The following CLTCL1 variants were observed in gnomAD, a reference collection of about 807,000 sequenced individuals.
CLTCL1 encodes the protein clathrin heavy chain 2.
CLTCL1 carries 159 observed loss-of-function variants against 190.0 expected under a neutral mutation model. The observed-to-expected ratio is 0.84, with a 90% CI of 0.74 to 0.95. The LOEUF (loss-of-function observed/expected upper bound fraction) is 0.95, where lower values mean the gene tolerates loss of function less well. CLTCL1 is among the 40% of genes least tolerant of loss of function. The probability of loss-of-function intolerance (pLI) is 0.00; values close to 1 mark genes in which losing one functional copy is unlikely to be tolerated. For missense variants in CLTCL1, 1,878 were observed against 2,033.4 expected (o/e 0.92, Z 1.47); for synonymous variants, 752 against 769.6 (o/e 0.98, Z 0.38).
intron 22 of CLTCL1, among the ~76,000 whole-genome samples, chr22:19,204,110 A>G (rs1161956694): frequency 6.6e-6 from 1 of 152,166 alleles, no homozygotes; most frequent in Non-Finnish European, 1.5e-5. Flanking sequence ...TTTGTAGCAT[A>G]GCAGCCAGAG....
intron 3 of CLTCL1, among the ~76,000 whole-genome samples, chr22:19,246,506 C>T (rs991693794): frequency 3.3e-5 from 5 of 151,190 alleles, no homozygotes; most frequent in Admixed American, 1.3e-4. Context: ...GATGGAGTTT[C>T]GCTCTTGTTG....
Position 19,233,564 on chromosome 22 carries a change from C to G in CLTCL1, c.1226G>C (p.Gly409Ala). 6.2e-7 allele frequency: 1 copy of G among 1,613,800 alleles called. No homozygotes were observed. The highest frequency in any genetic ancestry group is 8.5e-7 in the Non-Finnish European group (1 of 1,179,894). ...GTACTGCAGCAATGGAGAAGCCTGGCCAGACTGAGCGGGTATACTCTGGAA... is the reference window on the plus strand; with the variant it reads ...GTACTGCAGCAATGGAGAAGCCTGGGCAGACTGAGCGGGTATACTCTGGAA... ...QKFQSIPAQS[G>A]QASPLLQYFG... The change falls in exon 8 of 33, where the codon GGC becomes GCC. Residue 409 changes from glycine (G) to alanine (A), a missense_variant. By Grantham distance (60) the Gly-to-Ala change is moderately conservative. Coordinates refer to ENST00000427926, the MANE Select transcript of CLTCL1 (RefSeq NM_007098.4).
intron 14 of CLTCL1, 90 bp from the exon 15 acceptor site, chr22:19,222,899 C>A: frequency 6.8e-7 from 1 of 1,479,556 alleles, no homozygotes; most frequent in Non-Finnish European, 9.1e-7. Context: ...ACGGCTCTGT[C>A]TCTGCAGCAG....
At chr22:19,276,681 ATT>A (rs1375750879) in intron 1 of CLTCL1, among the ~76,000 whole-genome samples, 2 of 151,932 alleles carry the variant, frequency 1.3e-5, no homozygotes, top group Admixed American at 1.3e-4. Context: ...TTATTTATTT[ATT>A]TTTTGAGCCG....
intron 12 of CLTCL1, 40 bp downstream of exon 12, chr22:19,226,179 G>A: frequency 6.3e-7 from 1 of 1,598,062 alleles, no homozygotes; most frequent in Non-Finnish European, 8.5e-7. Flanking sequence ...TAATTGCATA[G>A]ACAACAGCCA....
At chr22:19,234,745 A>G in intron 6 of CLTCL1, 39 bp from the exon 7 acceptor site, 2 of 1,543,434 alleles carry the variant, frequency 1.3e-6, no homozygotes, top group Non-Finnish European at 1.8e-6. Context: ...CCGGCCTAGA[A>G]GAGTGCTCCA....
At chr22:19,192,408 C>T (rs1022078566) in intron 26 of CLTCL1, among the ~76,000 whole-genome samples, 1 of 152,146 alleles carries the variant, frequency 6.6e-6, no homozygotes, top group Non-Finnish European at 1.5e-5. Context: ...GCATCGATGT[C>T]CAGGGCCTGG....
Position 19,229,929 on chromosome 22 carries a change from G to A in CLTCL1, c.1691C>T (p.Ser564Phe). ...MENSLIQQCT[S>F]FLLDALKNNR... ...ATTCTTCAAGGCATCCAATAAGAAG[G>A]AAGTACACTGCTGAATTAAACTGTT... The change falls in exon 11 of 33, where the codon TCC becomes TTC. Residue 564 changes from serine (S) to phenylalanine (F), a missense_variant. Physicochemically the swap from Ser to Phe is radical, Grantham distance 155. Coordinates refer to ENST00000427926, the MANE Select transcript of CLTCL1 (RefSeq NM_007098.4). The A allele has an allele frequency of 1.9e-6, 3 of 1,611,110 alleles. No homozygotes were observed. Among genetic ancestry groups the A allele is most frequent in the Non-Finnish European group, 1.7e-6 (2 of 1,178,740 alleles).
At chr22:19,237,773 G>C (rs1208513122) in intron 5 of CLTCL1, among the ~76,000 whole-genome samples, 1 of 152,184 alleles carries the variant, frequency 6.6e-6, no homozygotes, top group Non-Finnish European at 1.5e-5. Context: ...AGCAAGGCTA[G>C]TGCAGAGCCA....
chr22:19,232,343 G>C, intron 10 of CLTCL1, 133 bp downstream of exon 10: 11 of 1,252,538 alleles, frequency 8.8e-6, no homozygotes, highest in Middle Eastern at 5.2e-4. Context: ...AAGTACACTA[G>C]ATTTTTTAAA....
At chr22:19,182,711 G>A (rs1555926355) in intron 30 of CLTCL1, 1 of 152,238 alleles carries the variant, frequency 6.6e-6, no homozygotes, top group Non-Finnish European at 1.5e-5. Context: ...TGGCTTGAAG[G>A]AGGTTAGATA....
At chr22:19,243,381 A>G (rs1373289530) in intron 3 of CLTCL1, among the ~76,000 whole-genome samples, 2 of 152,190 alleles carry the variant, frequency 1.3e-5, no homozygotes, top group Non-Finnish European at 2.9e-5. Flanking sequence ...CTGCAATCCT[A>G]GCACCTTGGG....
chr22:19,240,882 C>G (rs2145941631), intron 4 of CLTCL1, among the ~76,000 whole-genome samples: 1 of 152,318 alleles, frequency 6.6e-6, no homozygotes, highest in South Asian at 2.1e-4. Flanking sequence ...AGGGCAGCAG[C>G]AGGAGGAGGT....
At position 19,233,569 on chromosome 22, in the gene CLTCL1, C is replaced by T. The variant is rs781978410; in HGVS notation, c.1221G>A (p.Gln407=). 3 of 1,613,804 alleles carry T rather than the reference C, an allele frequency of 1.9e-6. No homozygotes were observed. The South Asian group carries it at 3.3e-5, about 18-fold the overall frequency. Residue 407 remains glutamine (Q), a synonymous_variant, in exon 8 of 33, where the codon CAG becomes CAA. Coordinates refer to ENST00000427926, the MANE Select transcript of CLTCL1 (RefSeq NM_007098.4). ...GCAGCAATGGAGAAGCCTGGCCAGA[C>T]TGAGCGGGTATACTCTGGAATTTCT... ...TVQKFQSIPA[Q]SGQASPLLQY... is the part of the protein sequence containing the mutation.
chr22:19,234,757 C>T (rs2086026291), intron 6 of CLTCL1, 51 bp from the exon 7 acceptor site: 1 of 1,474,376 alleles, frequency 6.8e-7, no homozygotes, highest in South Asian at 1.2e-5. Flanking sequence ...AGTGCTCCAC[C>T]ATCCCTCTGC....
intron 27 of CLTCL1, among the ~76,000 whole-genome samples, chr22:19,189,790 T>C (rs2084430424): frequency 6.6e-6 from 1 of 152,242 alleles, no homozygotes; most frequent in African/African-American, 2.4e-5. Context: ...TACATGATAG[T>C]TGTGCATATT....
intron 3 of CLTCL1, among the ~76,000 whole-genome samples, chr22:19,251,119 T>C (rs1232591815): frequency 6.6e-6 from 1 of 151,130 alleles, no homozygotes; most frequent in Non-Finnish European, 1.5e-5. Context: ...TGCAATATTT[T>C]TCGATTTAGA....
chr22:19,194,228 C>T (rs2084619725), intron 26 of CLTCL1, among the ~76,000 whole-genome samples: 1 of 152,150 alleles, frequency 6.6e-6, no homozygotes, highest in African/African-American at 2.4e-5. Flanking sequence ...CCCACCCGAC[C>T]CAAGAAGTCC....
chr22:19,229,881 A>T lies in CLTCL1; in HGVS notation c.1739T>A (p.Leu580Gln). Residue 580 changes from leucine to glutamine, a missense_variant, in exon 11 of 33, where the codon CTG (leucine) becomes CAG (glutamine). By Grantham distance (113) the Leu-to-Gln change is moderately radical (BLOSUM62 -2). Transcript: ENST00000427926. ...LKNNRPAEGL[L>Q]QTWLLEMNLV... ...GTTCATCTCCAACAGCCATGTCTGC[A>T]GGAGTCCCTCAGCTGGGCGATTATT... 6.2e-7 allele frequency: 1 copy of T among 1,612,156 alleles called. No individual in the cohort carries two copies. The highest frequency in any genetic ancestry group is 2.2e-5 in the East Asian group (1 of 44,848).
Sources: allele counts gnomAD v4.1 joint callset (sites outside exome capture counted in the v4.1 genomes callset), GRCh38; gene constraint gnomAD v4.1.1; transcripts MANE v1.5; gene names NCBI Gene and HGNC (gene_info 2026-07-23, HGNC 2026-07-21).